FGF22: variants seen among roughly 807,000 people sequenced by gnomAD.
FGF22 encodes the protein fibroblast growth factor 22, also known as FGF-22.
FGF22 carries 11 observed loss-of-function variants against 10.3 expected under a neutral mutation model. The observed-to-expected ratio is 1.07, with a 90% CI of 0.67 to 1.77. The LOEUF (loss-of-function observed/expected upper bound fraction) is 1.77, where lower values mean the gene tolerates loss of function less well. Among genes scored for constraint, FGF22 ranks in the 40% most tolerant of loss-of-function variants. FGF22 has a pLI of 0.00. For synonymous variants in FGF22, 136 were observed against 122.1 expected (o/e 1.11, Z -0.75); for missense variants, 317 against 273.2 (o/e 1.16, Z -1.13).
At position 643,408 on chromosome 19, in the gene FGF22, A is replaced by G. The variant is rs1568184767; in HGVS notation, c.319-2A>G. 3 of 1,608,802 alleles carry G rather than the reference A, an allele frequency of 1.9e-6. No homozygotes were observed. Among genetic ancestry groups the G allele is most frequent in the Admixed American group, 3.3e-5 (2 of 59,882 alleles). On this transcript the variant is annotated splice_acceptor_variant, in intron 2 of 2. Coordinates refer to ENST00000215530, the Ensembl canonical transcript of FGF22. LOFTEE classifies it high-confidence loss of function. Reference sequence around the variant, plus strand: ...GTGGGCCGGCCTCACCCCCGCCCGCAGCGACTCTACACCGTGGACTGCAGG... The same window carrying G: ...GTGGGCCGGCCTCACCCCCGCCCGCGGCGACTCTACACCGTGGACTGCAGG...
intron 1 of FGF22, chr19:640,921 C>T (rs1250460877): frequency 6.2e-6 from 2 of 322,674 alleles, no homozygotes; most frequent in Admixed American, 7.8e-5. Flanking sequence ...CCAAGGCCCT[C>T]ATTAGGCCGC....
chr19:641,431 C>T (rs542831620), intron 1 of FGF22: 17 of 360,562 alleles, frequency 4.7e-5, no homozygotes, highest in Middle Eastern at 1.0e-3. Context: ...AAAAATTAGC[C>T]GGGTGTGGTG....
intron 1 of FGF22, among the ~76,000 whole-genome samples, 184 bp from the exon 2 acceptor site, chr19:643,051 G>A (rs533537751): frequency 1.4e-4 from 21 of 152,240 alleles, no homozygotes; most frequent in African/African-American, 3.9e-4. Context: ...TGCTGGGGGG[G>A]GCTCCTGGTG....
intron 1 of FGF22, chr19:640,418 T>G (rs1257362239): frequency 1.6e-5 from 5 of 311,762 alleles, no homozygotes; most frequent in African/African-American, 4.3e-5. Flanking sequence ...GGTGGGAAAC[T>G]GAGGCTCCAG....
At chr19:642,931 G>A (rs1985952191) in intron 1 of FGF22, among the ~76,000 whole-genome samples, 1 of 152,074 alleles carries the variant, frequency 6.6e-6, no homozygotes, top group East Asian at 1.9e-4. Context: ...TGCAGGGACA[G>A]CGCTGACCTG....
At chr19:642,599 G>A (rs1179216595) in intron 1 of FGF22, among the ~76,000 whole-genome samples, 1 of 129,372 alleles carries the variant, frequency 7.7e-6, no homozygotes, top group Non-Finnish European at 1.6e-5. Context: ...CGGGCTGGGG[G>A]CTCCCTGGGG....
chr19:643,535 G>T (rs1555679389), exon 3 of FGF22: 3 of 1,602,286 alleles, frequency 1.9e-6, no homozygotes, highest in East Asian at 2.2e-5. Flanking sequence ...GGAGGGGGGG[G>T]CCCCGGCCAG....
chr19:643,846 G>C (rs981650892), exon 3 of FGF22: 1 of 504,406 alleles, frequency 2.0e-6, no homozygotes. Context: ...GCTGAAGGAC[G>C]CAGACGTCGA....
intron 1 of FGF22, chr19:640,881 CCT>C (rs543578613): frequency 1.6e-4 from 48 of 297,178 alleles, no homozygotes; most frequent in African/African-American, 2.4e-4. Flanking sequence ...GTAATCACCC[CCT>C]GTCCTTCCCA....
At chr19:643,075 T>TG (rs1267865526) in intron 1 of FGF22, among the ~76,000 whole-genome samples, 160 bp from the exon 2 acceptor site, 31 of 6,540 alleles carry the variant, frequency 4.7e-3, no homozygotes, top group African/African-American at 9.2e-3. Flanking sequence ...GTCACGGCTC[T>TG]GGGGGATCCT....
At chr19:640,729 C>A in intron 1 of FGF22, 1 of 186,702 alleles carries the variant, frequency 5.4e-6, no homozygotes, top group Non-Finnish European at 1.1e-5. Flanking sequence ...TGTGGAATGT[C>A]AGGAGCAAGA....
intron 1 of FGF22, chr19:641,573 TCAAA>T: frequency 3.1e-5 from 2 of 64,536 alleles, no homozygotes; most frequent in South Asian, 3.8e-4. Context: ...AGACTCCGTC[TCAAA>T]AAAAAAAAAA....
rs758467703 is a variant in FGF22, at chr19:643,390, G to A, written c.319-20G>A. The A allele has an allele frequency of 2.3e-5, 37 of 1,605,864 alleles. No homozygotes were observed. The highest frequency in any genetic ancestry group is 6.7e-5 in the African/African-American group (5 of 74,700). On this transcript the variant is annotated intron_variant, in intron 2 of 2. Transcript: ENST00000215530. ...GCGGGCAGGGTGGGGAGGGTGGGCC[G>A]GCCTCACCCCCGCCCGCAGCGACTC...
At chr19:641,155 A>C (rs780708972) in intron 1 of FGF22, 1 of 456,422 alleles carries the variant, frequency 2.2e-6, no homozygotes, top group Non-Finnish European at 4.4e-6. Flanking sequence ...CTAATCGGGC[A>C]CCTTGTGGGT....
intron 1 of FGF22, chr19:641,617 G>GGTGCA (rs1259752984): frequency 7.8e-6 from 2 of 256,726 alleles, no homozygotes; most frequent in African/African-American, 4.5e-5. Flanking sequence ...CGTGAACAAG[G>GGTGCA]GTGCAGGTGG....
chr19:643,488 C>T (rs778678657), exon 3 of FGF22: 23 of 1,610,772 alleles, frequency 1.4e-5, no homozygotes, highest in African/African-American at 4.0e-5. Flanking sequence ...ACAGCGCTGG[C>T]GCCGCCGCGG....
chr19:640,220 G>A (rs762908799), intron 1 of FGF22, 81 bp downstream of exon 1: 112 of 975,604 alleles, frequency 1.1e-4, no homozygotes, highest in Non-Finnish European at 1.5e-4. Flanking sequence ...GGTGACCTGC[G>A]CCCGCGGGGG....
At chr19:641,209 C>T (rs1203666254) in intron 1 of FGF22, 1 of 456,434 alleles carries the variant, frequency 2.2e-6, no homozygotes, top group Non-Finnish European at 4.4e-6. Flanking sequence ...GAGACGCCCA[C>T]CCTCCTGGGG....
At chr19:639,902 G>A in exon 1 of FGF22, 2 of 1,202,524 alleles carry the variant, frequency 1.7e-6, no homozygotes, top group Non-Finnish European at 2.1e-6. Flanking sequence ...AGCGACGAGC[G>A]CGCAGCGAAC....
Sources: allele counts gnomAD v4.1 joint callset (sites outside exome capture counted in the v4.1 genomes callset), GRCh38; gene constraint gnomAD v4.1.1; transcripts MANE v1.5; gene names NCBI Gene and HGNC (gene_info 2026-07-23, HGNC 2026-07-21).